SLC41A3: variants seen among roughly 807,000 people sequenced by gnomAD.
SLC41A3 encodes solute carrier family 41 member 3.
In SLC41A3, 44 loss-of-function variants were observed where a neutral mutation model predicts 45.4. That is an observed-to-expected ratio of 0.97 (90% confidence interval 0.76 to 1.25). The LOEUF (loss-of-function observed/expected upper bound fraction) is 1.25, where lower values mean the gene tolerates loss of function less well. Ranked by LOEUF, SLC41A3 falls within the 50% of genes most tolerant of loss-of-function variation. The pLI, the probability that SLC41A3 is intolerant of heterozygous loss-of-function variation, is 0.00. For synonymous variants in SLC41A3, 256 were observed against 252.4 expected (o/e 1.01, Z -0.13); for missense variants, 550 against 600.6 (o/e 0.92, Z 0.88).
At chr3:126,072,917 C>A (rs1425688023) in intron 1 of SLC41A3, among the ~76,000 whole-genome samples, 1 of 152,092 alleles carries the variant, frequency 6.6e-6, no homozygotes, top group East Asian at 1.9e-4. Flanking sequence ...GTACATATGC[C>A]CATGGAACAC....
intron 8 of SLC41A3, among the ~76,000 whole-genome samples, chr3:126,013,555 T>G (rs1354325164): frequency 7.8e-6 from 1 of 127,522 alleles, no homozygotes; most frequent in Non-Finnish European, 1.6e-5. Context: ...AGAGTAAGAC[T>G]CTGTCTCAAA....
At chr3:126,099,958 T>C (rs1350330877) in intron 1 of SLC41A3, among the ~76,000 whole-genome samples, 1 of 152,166 alleles carries the variant, frequency 6.6e-6, no homozygotes, top group Non-Finnish European at 1.5e-5. Flanking sequence ...GGATGCCTAA[T>C]GGATGTGCAG....
At chr3:126,094,659 AAC>A (rs1945558764) in intron 1 of SLC41A3, among the ~76,000 whole-genome samples, 2 of 152,226 alleles carry the variant, frequency 1.3e-5, no homozygotes, top group Admixed American at 1.3e-4. Flanking sequence ...CAAGACTGTG[AAC>A]AGTTTGCATT....
At chr3:126,030,617 T>G (rs1941728468) in intron 4 of SLC41A3, among the ~76,000 whole-genome samples, 1 of 152,102 alleles carries the variant, frequency 6.6e-6, no homozygotes, top group African/African-American at 2.4e-5. Flanking sequence ...AATGGACAGA[T>G]GGATGAATGA....
chr3:126,027,823 G>T (rs1941485560), intron 4 of SLC41A3, among the ~76,000 whole-genome samples: 1 of 152,172 alleles, frequency 6.6e-6, no homozygotes, highest in African/African-American at 2.4e-5. Flanking sequence ...TGGAGCAAAG[G>T]TTCCTTTTGT....
intron 3 of SLC41A3, among the ~76,000 whole-genome samples, chr3:126,033,879 C>G (rs911941668): frequency 6.6e-6 from 1 of 151,978 alleles, no homozygotes; most frequent in African/African-American, 2.4e-5. Flanking sequence ...AGGGCACAGA[C>G]CCCTTTGAGA....
At position 126,026,266 on chromosome 3, in the gene SLC41A3, A is replaced by C. The variant is rs990645346; in HGVS notation, c.598+69T>G. 9.1e-6 allele frequency: 14 copies of C among 1,531,266 alleles called. No homozygotes were observed. The African/African-American group carries it at 9.7e-5, about 11-fold the overall frequency. The allele number at this position is 1,531,266 out of a possible 1,614,324, so 94.9% of individuals were successfully genotyped here. ...CACACCCCCAGAAACTGAAAACACAATGAGCTCTGAGGTGGGACCTCAGAG... is the reference window on the plus strand; with the variant it reads ...CACACCCCCAGAAACTGAAAACACACTGAGCTCTGAGGTGGGACCTCAGAG... On this transcript the variant is annotated intron_variant, in intron 5 of 10. Transcript: ENST00000360370. The surrounding 1 kb of genome is among the most constrained non-coding windows in gnomAD (Gnocchi z 4.2).
chr3:126,066,432 A>T (rs750798825), intron 2 of SLC41A3, among the ~76,000 whole-genome samples: 17 of 152,354 alleles, frequency 1.1e-4, no homozygotes, highest in African/African-American at 4.1e-4. Context: ...GGATACATAC[A>T]TGCTTAATAT....
chr3:126,037,472 G>A (rs1251438533), intron 3 of SLC41A3, among the ~76,000 whole-genome samples: 1 of 152,192 alleles, frequency 6.6e-6, no homozygotes, highest in Admixed American at 6.5e-5. Flanking sequence ...GGGAACTAGA[G>A]AAAAGGTCAC....
In SLC41A3 at chr3:126,028,581, G is replaced by A. The variant is rs370579315; in HGVS notation, c.454-2102C>T. 1.7e-3 allele frequency among the ~76,000 whole-genome samples: 259 copies of A among 152,386 alleles called. 1 individual carries two copies. The Middle Eastern group carries it at 0.02, about 12-fold the overall frequency. On this transcript the variant is annotated intron_variant, in intron 4 of 10. Transcript: ENST00000360370. ...GACCCTCTACTAGGCAGTGTTGGGG[G>A]AAATGTGGGGTTGGAGCCCCCCACA...
chr3:126,019,946 G>T (rs572960250), intron 6 of SLC41A3, among the ~76,000 whole-genome samples: 2 of 152,112 alleles, frequency 1.3e-5, no homozygotes, highest in African/African-American at 4.8e-5. Context: ...TTTCTGCTTG[G>T]CACTGCTCTA....
At chr3:126,097,628 T>C (rs966662288) in intron 1 of SLC41A3, among the ~76,000 whole-genome samples, 1 of 152,196 alleles carries the variant, frequency 6.6e-6, no homozygotes, top group Admixed American at 6.5e-5. Context: ...CTGGGCTCTA[T>C]AAATTTTGAG....
At chr3:126,056,340 C>T (rs1364562832) in intron 2 of SLC41A3, 1 of 1,611,692 alleles carries the variant, frequency 6.2e-7, no homozygotes. Context: ...CCTGATCCCC[C>T]AAACACCCAG....
chr3:126,051,094 G>A (rs914375426), intron 2 of SLC41A3, 44 bp from the exon 3 acceptor site: 2 of 1,499,154 alleles, frequency 1.3e-6, no homozygotes, highest in Non-Finnish European at 1.8e-6. Context: ...ACACACATCA[G>A]CAAATCTCTG....
At chr3:126,098,499 G>A (rs1945646310) in intron 1 of SLC41A3, among the ~76,000 whole-genome samples, 1 of 152,232 alleles carries the variant, frequency 6.6e-6, no homozygotes, top group African/African-American at 2.4e-5. Context: ...CATGTAGTGA[G>A]GTCAATAGTG....
intron 4 of SLC41A3, among the ~76,000 whole-genome samples, chr3:126,033,351 A>C (rs906401106): frequency 3.4e-5 from 5 of 148,740 alleles, no homozygotes; most frequent in African/African-American, 7.5e-5. Context: ...AGTACAGGTG[A>C]GTCTTTCAAG....
intron 8 of SLC41A3, among the ~76,000 whole-genome samples, chr3:126,015,157 C>G (rs1004164892): frequency 1.3e-5 from 2 of 152,228 alleles, no homozygotes; most frequent in Admixed American, 6.5e-5. Flanking sequence ...TTCTGAAGGC[C>G]ATGCTCAATT....
At chr3:126,046,315 T>C (rs994920579) in intron 3 of SLC41A3, among the ~76,000 whole-genome samples, 1 of 151,666 alleles carries the variant, frequency 6.6e-6, no homozygotes, top group African/African-American at 2.4e-5. Flanking sequence ...TTACCTCTGT[T>C]TGCAGATAAT....
Position 126,026,456 on chromosome 3 carries a change from G to T in SLC41A3, c.477C>A (p.Leu159=). The part of the protein sequence containing the change: ...LIQVQATVVG[L]LAAVAALLLG... ...ACAGCAGCGCAGCCACAGCAGCCAAGAGCCCCACGACAGTGGCCTGCACCT... is the reference window on the plus strand; with the variant it reads ...ACAGCAGCGCAGCCACAGCAGCCAATAGCCCCACGACAGTGGCCTGCACCT... The change falls in exon 5 of 11, where the codon CTC becomes CTA. Residue 159 remains leucine (L), a synonymous_variant. Coordinates refer to ENST00000360370, the MANE Select transcript of SLC41A3 (RefSeq NM_017836.4). This position sits in a 1 kb window ranked among gnomAD's most constrained non-coding sequence, Gnocchi z 4.2. 1 of 1,604,384 alleles carries T rather than the reference G, an allele frequency of 6.2e-7. No individual in the cohort carries two copies. The highest frequency in any genetic ancestry group is 2.2e-5 in the East Asian group (1 of 44,636).
Sources: gnomAD v4.1 joint callset for allele counts (sites outside exome capture counted in the v4.1 genomes callset) on GRCh38, gnomAD v4.1.1 for gene constraint, Gnocchi (gnomAD v3.1) non-coding constraint, MANE v1.5 for transcripts, NCBI Gene and HGNC (gene_info 2026-07-23, HGNC 2026-07-21) for gene names.